Variants in COL5A2 observed in about 807,000 individuals in gnomAD.
COL5A2 encodes the protein collagen type V alpha 2 chain.
Under a neutral mutation model 208.2 loss-of-function variants are expected in COL5A2, and 23 were observed. The ratio of observed to expected loss-of-function variants is 0.11; its 90% confidence interval spans 0.08 to 0.16. The LOEUF (loss-of-function observed/expected upper bound fraction) is 0.16, where lower values mean the gene tolerates loss of function less well. Ranked by LOEUF, COL5A2 falls within the 10% of genes least tolerant of loss-of-function variation. The probability of loss-of-function intolerance (pLI) is 1.00; values close to 1 mark genes in which losing one functional copy is unlikely to be tolerated. For synonymous variants in COL5A2, 625 were observed against 628.5 expected, an observed-to-expected ratio of 0.99 and a Z score of 0.08; for missense variants, 1,590 against 1,956.4, an observed-to-expected ratio of 0.81 and a Z score of 3.53.
At chr2:189,251,130 C>A in the COL5A2 span, among the ~76,000 whole-genome samples, 10 of 150,690 alleles carry the variant, frequency 6.6e-5, 1 homozygote, top group East Asian at 2.0e-4. Context: ...GGGGGCATGG[C>A]TCTACACAAT....
the COL5A2 span, among the ~76,000 whole-genome samples, chr2:189,358,198 T>C: frequency 6.6e-6 from 1 of 151,884 alleles, no homozygotes; most frequent in Non-Finnish European, 1.5e-5. Flanking sequence ...TCCAATTTAC[T>C]GAATATTTTA....
chr2:189,262,386 CAT>C, the COL5A2 span, among the ~76,000 whole-genome samples: 1 of 151,920 alleles, frequency 6.6e-6, no homozygotes, highest in African/African-American at 2.4e-5. Context: ...CACACACACA[CAT>C]ACACACTAGT....
chr2:189,435,478 A>G, the COL5A2 span, among the ~76,000 whole-genome samples: 1 of 152,204 alleles, frequency 6.6e-6, no homozygotes, highest in Non-Finnish European at 1.5e-5. Context: ...ACAAATTTAC[A>G]AGAAAAAAAC....
chr2:189,106,384 T>C (rs1395631752), intron 2 of COL5A2, among the ~76,000 whole-genome samples: 2 of 151,428 alleles, frequency 1.3e-5, no homozygotes, highest in Non-Finnish European at 3.0e-5. Context: ...TTTTTATTCC[T>C]ATTATTTCTT....
chr2:189,069,209 A>C (rs372029179), intron 18 of COL5A2, among the ~76,000 whole-genome samples: 1 of 152,202 alleles, frequency 6.6e-6, no homozygotes, highest in East Asian at 1.9e-4. Flanking sequence ...CACACCTATC[A>C]GAATTTACAC....
chr2:189,144,914 G>A (rs989772671), intron 1 of COL5A2, among the ~76,000 whole-genome samples: 5 of 152,056 alleles, frequency 3.3e-5, no homozygotes, highest in African/African-American at 1.2e-4. Context: ...AAATTAATAA[G>A]ATGAGAGATT....
At chr2:189,311,911 C>G in the COL5A2 span, 1 of 848,940 alleles carries the variant, frequency 1.2e-6, no homozygotes, top group Non-Finnish European at 2.0e-6. Context: ...TTATAAAGAG[C>G]AGCTCTGCCT....
the COL5A2 span, among the ~76,000 whole-genome samples, chr2:189,322,260 T>G: frequency 1.3e-5 from 2 of 151,884 alleles, no homozygotes; most frequent in Admixed American, 1.3e-4. Flanking sequence ...ACATCACAAT[T>G]AAAAGAACTA....
At chr2:189,149,674 G>T (rs1276864360) in intron 1 of COL5A2, among the ~76,000 whole-genome samples, 2 of 152,192 alleles carry the variant, frequency 1.3e-5, no homozygotes, top group Non-Finnish European at 2.9e-5. Context: ...GAAACTATAA[G>T]TGAATTTTAA....
chr2:189,267,736 G>A, the COL5A2 span, among the ~76,000 whole-genome samples: 6 of 152,012 alleles, frequency 3.9e-5, no homozygotes, highest in African/African-American at 1.5e-4. Flanking sequence ...CGGGCAATGT[G>A]TGTCTCACAT....
chr2:189,296,489 T>G, the COL5A2 span, among the ~76,000 whole-genome samples: 3 of 152,202 alleles, frequency 2.0e-5, no homozygotes, highest in South Asian at 6.2e-4. Flanking sequence ...TGTTTCTTCA[T>G]TTGTCCAGTT....
chr2:189,426,510 A>T, the COL5A2 span, among the ~76,000 whole-genome samples: 127 of 152,290 alleles, frequency 8.3e-4, no homozygotes, highest in African/African-American at 2.9e-3. Context: ...TTCATCTTAC[A>T]TATGTTGATT....
the COL5A2 span, among the ~76,000 whole-genome samples, chr2:189,350,395 G>T: frequency 6.6e-6 from 1 of 152,050 alleles, no homozygotes; most frequent in Non-Finnish European, 1.5e-5. Context: ...TAGACTTTTA[G>T]ACAGGCCCCA....
At chr2:189,340,698 G>T in the COL5A2 span, among the ~76,000 whole-genome samples, 1 of 152,032 alleles carries the variant, frequency 6.6e-6, no homozygotes, top group Non-Finnish European at 1.5e-5. Context: ...TTCATTTCTG[G>T]CCCTGTGTCT....
chr2:189,293,150 C>T, the COL5A2 span, among the ~76,000 whole-genome samples: 2 of 151,820 alleles, frequency 1.3e-5, no homozygotes, highest in African/African-American at 4.8e-5. Flanking sequence ...ATATACCTAA[C>T]ACTAAATGAC....
the COL5A2 span, among the ~76,000 whole-genome samples, chr2:189,415,114 T>C: frequency 6.6e-6 from 1 of 152,206 alleles, no homozygotes; most frequent in South Asian, 2.1e-4. Flanking sequence ...GTCTTTGTGC[T>C]CTAATAAATG....
the COL5A2 span, among the ~76,000 whole-genome samples, chr2:189,388,884 T>A: frequency 6.6e-6 from 1 of 152,162 alleles, no homozygotes. Context: ...TAGGCACTGA[T>A]ACTAATCAAG....
Position 189,079,119 on chromosome 2 carries a change from T to G in COL5A2, c.961-12A>C. 1 of 1,601,898 alleles carries G rather than the reference T, an allele frequency of 6.2e-7. No individual in the cohort carries two copies. Among genetic ancestry groups the G allele is most frequent in the Non-Finnish European group, 8.6e-7 (1 of 1,169,318 alleles). On this transcript the variant is annotated splice_polypyrimidine_tract_variant and intron_variant, in intron 14 of 53. Coordinates refer to ENST00000374866, the MANE Select transcript of COL5A2 (RefSeq NM_000393.5). ...GGGCCAGCTTCACCCTAAAAAAAAA[T>G]GAGAATACATTACAGTATGAGAAGC...
At chr2:189,233,623 T>A in the COL5A2 span, among the ~76,000 whole-genome samples, 2 of 151,740 alleles carry the variant, frequency 1.3e-5, no homozygotes, top group African/African-American at 2.4e-5. Context: ...TATTCCATTG[T>A]TTTATTGTTG....
Sources: gnomAD v4.1 joint callset for allele counts (sites outside exome capture counted in the v4.1 genomes callset) on GRCh38, gnomAD v4.1.1 for gene constraint, MANE v1.5 for transcripts, NCBI Gene and HGNC (gene_info 2026-07-23, HGNC 2026-07-21) for gene names.